Variants in SCAPER observed in about 807,000 individuals in gnomAD.
The protein encoded by SCAPER is S-phase cyclin A associated protein in the ER, also known as S phase cyclin A-associated protein in the endoplasmic reticulum.
Under a neutral mutation model 182.2 loss-of-function variants are expected in SCAPER, and 98 were observed. That is an observed-to-expected ratio of 0.54 (90% CI 0.46 to 0.64). The LOEUF is 0.64. Ranked by LOEUF, SCAPER falls within the 30% of genes least tolerant of loss-of-function variation. The pLI, the probability that SCAPER is intolerant of heterozygous loss-of-function variation, is 0.00. For synonymous variants in SCAPER, 605 were observed against 564.6 expected (o/e 1.07, Z -1.01); for missense variants, 1,432 against 1,690.0 (o/e 0.85, Z 2.68).
chr15:76,371,641 G>A (rs1226348640), intron 29 of SCAPER, among the ~76,000 whole-genome samples: 1 of 151,466 alleles, frequency 6.6e-6, no homozygotes, highest in East Asian at 2.0e-4. Context: ...ACATACGGCC[G>A]GGTGTGGTGG....
intron 2 of SCAPER, among the ~76,000 whole-genome samples, chr15:76,868,925 C>T (rs565529888): frequency 6.6e-6 from 1 of 152,198 alleles, no homozygotes; most frequent in African/African-American, 2.4e-5. Context: ...ACACACAGAC[C>T]AATGGAACAG....
chr15:76,381,296 C>G, intron 28 of SCAPER, 82 bp downstream of exon 28: 1 of 1,120,272 alleles, frequency 8.9e-7, no homozygotes, highest in South Asian at 1.3e-5. Context: ...TGCCCCAATT[C>G]AGGAGAAGAA....
rs113207442 is a variant in SCAPER, at chr15:76,877,615, G to A, written c.6+6197C>T. Among the ~76,000 whole-genome samples, 1,206 of 152,278 alleles carry A rather than the reference G, an allele frequency of 7.9e-3. 11 individuals are homozygous for A. The highest frequency in any genetic ancestry group is 0.027 in the African/African-American group (1,134 of 41,558). On this transcript the variant is annotated intron_variant, in intron 2 of 31. Coordinates refer to ENST00000563290, the MANE Select transcript of SCAPER (RefSeq NM_020843.4). Reference sequence around the variant, plus strand: ...TAAAGTGATGTACTGAGGACACATCGTCATTCGTGTGATATTCTGCCTAAA... The same window carrying A: ...TAAAGTGATGTACTGAGGACACATCATCATTCGTGTGATATTCTGCCTAAA...
In SCAPER at chr15:76,540,402, A is replaced by G. The variant is rs896484561; in HGVS notation, c.2838+33756T>C. ...GGCAACAAACCAAGACCCTGTCTCT[A>G]AAAAAATTTTCTTTTAAAAATCCAG... On this transcript the variant is annotated intron_variant, in intron 23 of 31. Transcript: ENST00000563290. Among the ~76,000 whole-genome samples the G allele has an allele frequency of 3.3e-5, 5 of 152,130 alleles. No homozygotes were observed. In the East Asian group the frequency reaches 5.8e-4, roughly 18 times the overall value.
intron 22 of SCAPER, among the ~76,000 whole-genome samples, chr15:76,604,009 G>T (rs1597620346): frequency 8.3e-6 from 1 of 120,972 alleles, no homozygotes. Context: ...CTTTTGCTGT[G>T]CAGAAGCTCT....
intron 15 of SCAPER, among the ~76,000 whole-genome samples, chr15:76,735,213 G>C (rs2061176127): frequency 6.6e-6 from 1 of 151,322 alleles, no homozygotes; most frequent in South Asian, 2.1e-4. Context: ...GATAGATATA[G>C]ATATATATAT....
intron 23 of SCAPER, among the ~76,000 whole-genome samples, chr15:76,518,094 A>G (rs904634575): frequency 6.6e-6 from 1 of 152,200 alleles, no homozygotes; most frequent in African/African-American, 2.4e-5. Flanking sequence ...TGCACACAGC[A>G]GGAGGGAAAC....
At chr15:76,366,396 G>A (rs555164133) in intron 29 of SCAPER, among the ~76,000 whole-genome samples, 7 of 152,216 alleles carry the variant, frequency 4.6e-5, no homozygotes, top group African/African-American at 1.4e-4. Flanking sequence ...TACATTCCAC[G>A]GAACATTTAT....
At chr15:76,704,560 C>A (rs1458627144) in intron 18 of SCAPER, among the ~76,000 whole-genome samples, 1 of 152,122 alleles carries the variant, frequency 6.6e-6, no homozygotes, top group Non-Finnish European at 1.5e-5. Flanking sequence ...GTTTTCCCAG[C>A]ACCATTTATT....
chr15:76,713,119 A>T (rs2059682919), intron 17 of SCAPER, among the ~76,000 whole-genome samples: 1 of 152,158 alleles, frequency 6.6e-6, no homozygotes, highest in Non-Finnish European at 1.5e-5. Context: ...TACCATCAAT[A>T]CAGGAAACAA....
At chr15:76,805,333 C>A (rs1441525350) in intron 5 of SCAPER, among the ~76,000 whole-genome samples, 3 of 152,136 alleles carry the variant, frequency 2.0e-5, no homozygotes, top group African/African-American at 7.2e-5. Context: ...TTAAAGTTAA[C>A]TACCAAACTT....
At chr15:76,556,058 G>T (rs2046171580) in intron 23 of SCAPER, among the ~76,000 whole-genome samples, 1 of 152,092 alleles carries the variant, frequency 6.6e-6, no homozygotes, top group Admixed American at 6.6e-5. Context: ...GCAATAAAGA[G>T]AAATGAATAC....
chr15:76,370,309 T>TTTTG (rs2042075657), intron 29 of SCAPER, among the ~76,000 whole-genome samples: 1 of 139,574 alleles, frequency 7.2e-6, no homozygotes, highest in African/African-American at 2.7e-5. Context: ...TTTTTTTTTT[T>TTTTG]TTTTTTTGTT....
chr15:76,793,749 T>A (rs1004769072), intron 8 of SCAPER, among the ~76,000 whole-genome samples: 2 of 152,204 alleles, frequency 1.3e-5, no homozygotes, highest in African/African-American at 4.8e-5. Flanking sequence ...TCTAGCAAAT[T>A]AATCAAATCC....
chr15:76,368,383 C>T (rs1033704953), intron 29 of SCAPER, among the ~76,000 whole-genome samples: 6 of 152,336 alleles, frequency 3.9e-5, no homozygotes, highest in African/African-American at 4.8e-5. Flanking sequence ...TATTTCTGTG[C>T]GTGGGGAAAC....
intron 17 of SCAPER, among the ~76,000 whole-genome samples, chr15:76,723,288 G>T (rs1181961393): frequency 2.6e-5 from 4 of 152,160 alleles, no homozygotes; most frequent in African/African-American, 9.7e-5. Context: ...ACTGTGGTCT[G>T]AGAGACAGTT....
At chr15:76,543,670 G>A (rs2044990171) in intron 23 of SCAPER, among the ~76,000 whole-genome samples, 1 of 152,082 alleles carries the variant, frequency 6.6e-6, no homozygotes, top group South Asian at 2.1e-4. Context: ...TCAAAGTGGA[G>A]GAACCTATAT....
At chr15:76,652,877 G>A (rs1382778381) in intron 21 of SCAPER, among the ~76,000 whole-genome samples, 1 of 151,870 alleles carries the variant, frequency 6.6e-6, no homozygotes, top group African/African-American at 2.4e-5. Flanking sequence ...CCTAGCCAGG[G>A]CAATCAGGAA....
chr15:76,897,090 CAA>C (rs1161618261), intron 1 of SCAPER, among the ~76,000 whole-genome samples: 1 of 151,880 alleles, frequency 6.6e-6, no homozygotes, highest in East Asian at 1.9e-4. Flanking sequence ...AGCTATAAAA[CAA>C]GAGTAAAAAT....
Sources: gnomAD v4.1 joint callset for allele counts (sites outside exome capture counted in the v4.1 genomes callset) on GRCh38, gnomAD v4.1.1 for gene constraint, MANE v1.5 for transcripts, NCBI Gene and HGNC (gene_info 2026-07-23, HGNC 2026-07-21) for gene names.